The following AMER1 variants were observed in gnomAD, a reference collection of about 807,000 sequenced individuals.
AMER1 encodes RP11-403E24.2.
Under a neutral mutation model 53.0 loss-of-function variants are expected in AMER1, and 16 were observed. That is an observed-to-expected ratio of 0.30 (90% CI 0.20 to 0.46). The LOEUF is 0.46. Ranked by LOEUF, AMER1 falls within the 20% of genes least tolerant of loss-of-function variation. The probability of loss-of-function intolerance (pLI) is 1.00; values close to 1 mark genes in which losing one functional copy is unlikely to be tolerated. For missense variants in AMER1, 947 were observed against 884.9 expected, an observed-to-expected ratio of 1.07 and a Z score of -0.89; for synonymous variants, 354 against 331.9, an observed-to-expected ratio of 1.07 and a Z score of -0.73.
chrX:64,197,297 G>A (rs1029021061), intron 1 of AMER1, among the ~76,000 whole-genome samples: 9 of 113,133 alleles, frequency 8.0e-5, no homozygotes, highest in Admixed American at 7.4e-4. Context: ...GCAGAAAGCA[G>A]GCTGTGGTAG....
rs955682197 is a variant in AMER1 at position 64,188,234 on chromosome X, G to A, written c.*1645C>T. ...CATGGAGATGGTGGGATGTGAGGGC[G>A]AGGGTGCAATAATCATAATTTGAGT... On this transcript the variant is annotated 3_prime_UTR_variant, in exon 2 of 2. Coordinates refer to ENST00000374869, the MANE Select transcript of AMER1 (RefSeq NM_152424.4). The A allele has an allele frequency of 6.2e-6, 5 of 804,168 alleles. No individual in the cohort carries two copies. Among genetic ancestry groups the A allele is most frequent in the South Asian group, 6.6e-5 (1 of 15,204 alleles). 66.3% of individuals were successfully genotyped at this position (804,168 alleles called of 1,213,427 possible).
In AMER1 at chrX:64,188,147, C is replaced by T; in HGVS notation, c.*1732G>A. On this transcript the variant is annotated 3_prime_UTR_variant, in exon 2 of 2. Coordinates refer to ENST00000374869, the MANE Select transcript of AMER1 (RefSeq NM_152424.4). ...CTTAGGGGGCAAACAGCATCTGTTC[C>T]CAAGCTAAATTGCCATATCTCAGGA... 1 of 801,283 alleles carries T rather than the reference C, an allele frequency of 1.2e-6. No homozygotes were observed. Among genetic ancestry groups the T allele is most frequent in the Non-Finnish European group, 1.5e-6 (1 of 668,078 alleles). The allele number at this position is 801,283 out of a possible 1,213,427, so 66.0% of individuals were successfully genotyped here.
At chrX:64,195,472 C>T (rs1029702199) in intron 1 of AMER1, among the ~76,000 whole-genome samples, 4 of 112,120 alleles carry the variant, frequency 3.6e-5, no homozygotes, top group African/African-American at 1.3e-4. Context: ...CTATATGTAA[C>T]AGTCTGTTAG....
rs753054242 is a variant in AMER1, at chrX:64,192,236, C to T, written c.1051G>A (p.Ala351Thr). The T allele has an allele frequency of 1.7e-6, 2 of 1,210,733 alleles. No homozygotes were observed. The highest frequency in any genetic ancestry group is 3.5e-5 in the African/African-American group (2 of 57,339). ...TDSMASGGQRANRDGTKRSSC... is the reference protein window; with the variant it reads ...TDSMASGGQRTNRDGTKRSSC... ...CTTCGCTTGGTCCCATCTCGGTTTG[C>T]TCTCTGGCCCCCAGAGGCCATGCTG... is the stretch of plus-strand genomic sequence containing the variant. Residue 351 changes from alanine (A) to threonine (T), a missense_variant, in exon 2 of 2, where the codon GCA becomes ACA. Ala to Thr is a moderately conservative substitution (Grantham distance 58, BLOSUM62 0). Transcript: ENST00000374869.
chrX:64,204,625 G>A lies in AMER1; in HGVS notation c.-99+945C>T, dbSNP rs759661363. On this transcript the variant is annotated intron_variant, in intron 1 of 1. Coordinates refer to ENST00000374869, the MANE Select transcript of AMER1 (RefSeq NM_152424.4). ...TATGATACGTTCCGTACTACAATGA[G>A]GGCTCCTTCGGCCTCTGGCAAGGAA... Among the ~76,000 whole-genome samples, 3 of 113,432 alleles carry A rather than the reference G, an allele frequency of 2.6e-5. No homozygotes were observed. In the East Asian group the frequency reaches 8.4e-4, roughly 32 times the overall value.
intron 1 of AMER1, among the ~76,000 whole-genome samples, chrX:64,201,448 A>AACACACACACACAC (rs532857666): frequency 2.4e-4 from 20 of 83,115 alleles, no homozygotes; most frequent in African/African-American, 8.8e-4. Context: ...TCCTTCCCCC[A>AACACACACACACAC]ACACACACAC....
At chrX:64,199,084 C>A (rs772136779) in intron 1 of AMER1, among the ~76,000 whole-genome samples, 1 of 112,159 alleles carries the variant, frequency 8.9e-6, no homozygotes, top group East Asian at 2.8e-4. Context: ...TTCAGCTCCT[C>A]CCCTAATTTG....
chrX:64,196,850 C>T (rs1930382374), intron 1 of AMER1, among the ~76,000 whole-genome samples: 1 of 111,953 alleles, frequency 8.9e-6, no homozygotes, highest in African/African-American at 3.3e-5. Context: ...GTATCTCTGC[C>T]TATGTCACCC....
chrX:64,190,534 G>C lies in AMER1; in HGVS notation c.2753C>G (p.Ser918Cys), dbSNP rs2147085385. ...NSHLVQGYLE[S>C]DELQAQQEDS... ...TTCCTGCTGGGCCTGCAGCTCATCA[G>C]ACTCGAGGTAGCCCTGGACCAAGTG... is the stretch of plus-strand genomic sequence containing the variant. The change falls in exon 2 of 2, where the codon TCT (serine) becomes TGT (cysteine). Residue 918 changes from serine to cysteine, a missense_variant. By Grantham distance (112) the Ser-to-Cys change is moderately radical (BLOSUM62 -1). Coordinates refer to ENST00000374869, the MANE Select transcript of AMER1 (RefSeq NM_152424.4). The C allele has an allele frequency of 8.3e-7, 1 of 1,211,887 alleles. No individual in the cohort carries two copies. The highest frequency in any genetic ancestry group is 1.1e-6 in the Non-Finnish European group (1 of 895,530).
intron 1 of AMER1, among the ~76,000 whole-genome samples, chrX:64,204,284 C>A (rs191513823): frequency 8.8e-6 from 1 of 113,751 alleles, no homozygotes; most frequent in African/African-American, 3.2e-5. Context: ...GCAGGCAGAG[C>A]CGCAGAGGAA....
intron 1 of AMER1, among the ~76,000 whole-genome samples, chrX:64,199,641 CCA>C (rs1285040089): frequency 4.5e-5 from 5 of 111,362 alleles, no homozygotes; most frequent in Non-Finnish European, 9.4e-5. Flanking sequence ...AATTGCCACC[CCA>C]CATTCTCCGA....
chrX:64,198,957 T>A (rs1355229356), intron 1 of AMER1, among the ~76,000 whole-genome samples: 1 of 112,792 alleles, frequency 8.9e-6, no homozygotes, highest in Non-Finnish European at 1.9e-5. Context: ...ACTTGAATGA[T>A]CCATTTTTAA....
chrX:64,189,946 G>C lies in AMER1; in HGVS notation c.3341C>G (p.Ala1114Gly), dbSNP rs1930204659. The C allele has an allele frequency of 8.3e-7, 1 of 1,206,649 alleles. No individual in the cohort carries two copies. Among genetic ancestry groups the C allele is most frequent in the East Asian group, 3.0e-5 (1 of 33,644 alleles). ...GGTGGCAAGAGAGGCACCTTGCTCAGCCCTCTCCTTTGACAGGTCAAGGCT... is the reference window on the plus strand; with the variant it reads ...GGTGGCAAGAGAGGCACCTTGCTCACCCCTCTCCTTTGACAGGTCAAGGCT... Reference protein sequence around the residue: ...PSSLDLSKERAEQGASLATSY... With the variant: ...PSSLDLSKERGEQGASLATSY... The change falls in exon 2 of 2, where the codon GCT becomes GGT. Residue 1114 changes from alanine to glycine, a missense_variant. Ala to Gly is a moderately conservative substitution (Grantham distance 60). Coordinates refer to ENST00000374869, the MANE Select transcript of AMER1 (RefSeq NM_152424.4).
At position 64,188,384 on chromosome X, in the gene AMER1, C is replaced by CTGACA; in HGVS notation, c.*1490_*1494dup. 2.5e-6 allele frequency: 2 copies of CTGACA among 804,507 alleles called. No homozygotes were observed. Among genetic ancestry groups the CTGACA allele is most frequent in the Non-Finnish European group, 3.0e-6 (2 of 669,962 alleles). The allele number at this position is 804,507 out of a possible 1,213,427, so 66.3% of individuals were successfully genotyped here. A position where few individuals can be genotyped will look rare whatever the true frequency, so the allele number is the denominator to read the frequency against. ...AAGATTAGCCTGTTCCAATGTCTTCCTGACAGCAAGCTCTTCCCCACCAGT... is the reference window on the plus strand; with the variant it reads ...AAGATTAGCCTGTTCCAATGTCTTCCTGACATGACAGCAAGCTCTTCCCCACCAGT... On this transcript the variant is annotated 3_prime_UTR_variant, in exon 2 of 2. Coordinates refer to ENST00000374869, the MANE Select transcript of AMER1 (RefSeq NM_152424.4).
Position 64,189,793 on chromosome X carries a change from A to ACGGGGCCCCCC in AMER1, c.*85_*86insGGGGGGCCCCG. The stretch of plus-strand genomic sequence containing the variant: ...CAAAGGGTTTTCAAGTTAAACAACA[A>ACGGGGCCCCCC]CCCCCACCCCCCCACCCTTCTGCCC... On this transcript the variant is annotated 3_prime_UTR_variant, in exon 2 of 2. Coordinates refer to ENST00000374869, the MANE Select transcript of AMER1 (RefSeq NM_152424.4). 3.4e-6 allele frequency: 1 copy of ACGGGGCCCCCC among 292,071 alleles called. No individual in the cohort carries two copies. Among genetic ancestry groups the ACGGGGCCCCCC allele is most frequent in the Non-Finnish European group, 4.9e-6 (1 of 204,829 alleles). 24.1% of individuals were successfully genotyped at this position (292,071 alleles called of 1,213,427 possible). A position where few individuals can be genotyped will look rare whatever the true frequency, so the allele number is the denominator to read the frequency against.
rs764261510 is a variant in AMER1 at position 64,191,164 on chromosome X, G to C, written c.2123C>G (p.Thr708Ser). 4.9e-6 allele frequency: 6 copies of C among 1,212,156 alleles called. No homozygotes were observed. In the South Asian group the frequency reaches 7.0e-5, roughly 14 times the overall value. ...FRPLEKRYEG[T>S]CSKKDQSTCL... ...GGTACTTTGATCTTTCTTGGAGCAGGTTCCTTCATAACGCTTCTCCAGAGG... is the reference window on the plus strand; with the variant it reads ...GGTACTTTGATCTTTCTTGGAGCAGCTTCCTTCATAACGCTTCTCCAGAGG... Residue 708 changes from threonine (T) to serine (S), a missense_variant, in exon 2 of 2, where the codon ACC becomes AGC. Thr to Ser is a moderately conservative substitution (Grantham distance 58). Coordinates refer to ENST00000374869, the MANE Select transcript of AMER1 (RefSeq NM_152424.4).
In AMER1 at chrX:64,192,979, G is replaced by A. The variant is rs2147090816; in HGVS notation, c.308C>T (p.Ala103Val). 1 of 1,211,843 alleles carries A rather than the reference G, an allele frequency of 8.3e-7. No individual in the cohort carries two copies. Among genetic ancestry groups the A allele is most frequent in the Non-Finnish European group, 1.1e-6 (1 of 895,515 alleles). ...ACTGACAACATCTTCAGGGCCATGG[G>A]CTGCTTCACTCAGGCCATCGTGGGT... ...SKTHDGLSEAAHGPEDVVSEG... is the reference protein window; with the variant it reads ...SKTHDGLSEAVHGPEDVVSEG... Residue 103 changes from alanine (A) to valine (V), a missense_variant, in exon 2 of 2, where the codon GCC becomes GTC. Physicochemically the swap from Ala to Val is moderately conservative, Grantham distance 64. Coordinates refer to ENST00000374869, the MANE Select transcript of AMER1 (RefSeq NM_152424.4).
At position 64,188,652 on chromosome X, in the gene AMER1, G is replaced by C; in HGVS notation, c.*1227C>G. 2 of 801,453 alleles carry C rather than the reference G, an allele frequency of 2.5e-6. No homozygotes were observed. The highest frequency in any genetic ancestry group is 4.3e-5 in the African/African-American group (2 of 46,029). The allele number at this position is 801,453 out of a possible 1,213,427, so 66.0% of individuals were successfully genotyped here. On this transcript the variant is annotated 3_prime_UTR_variant, in exon 2 of 2. Coordinates refer to ENST00000374869, the MANE Select transcript of AMER1 (RefSeq NM_152424.4). ...GAGTCCAAATGATGGGATGGGCAAG[G>C]CTTAAGGAACATTTTGTGTTGGGAG...
At chrX:64,204,822 C>A (rs1930564367) in intron 1 of AMER1, among the ~76,000 whole-genome samples, 1 of 113,582 alleles carries the variant, frequency 8.8e-6, no homozygotes, top group African/African-American at 3.2e-5. Context: ...ACCCAAGGAC[C>A]AGCAAGAGCC....
Sources: gnomAD v4.1 joint callset for allele counts (sites outside exome capture counted in the v4.1 genomes callset) on GRCh38, gnomAD v4.1.1 for gene constraint, MANE v1.5 for transcripts, NCBI Gene and HGNC (gene_info 2026-07-23, HGNC 2026-07-21) for gene names.